ANXA4: variants seen among roughly 807,000 people sequenced by gnomAD.
ANXA4 encodes annexin A4.
Under a neutral mutation model 49.8 loss-of-function variants are expected in ANXA4, and 39 were observed. That is an observed-to-expected ratio of 0.78 (90% CI 0.61 to 1.02). The LOEUF is 1.02. Ranked by LOEUF, ANXA4 falls within the 50% of genes least tolerant of loss-of-function variation. The pLI is 0.00. For synonymous variants in ANXA4, 134 were observed against 152.5 expected, an observed-to-expected ratio of 0.88 and a Z score of 0.89; for missense variants, 360 against 410.1, an observed-to-expected ratio of 0.88 and a Z score of 1.05.
intron 1 of ANXA4, among the ~76,000 whole-genome samples, chr2:69,754,576 C>T (rs1180504757): frequency 6.6e-6 from 1 of 152,108 alleles, no homozygotes; most frequent in Non-Finnish European, 1.5e-5. Flanking sequence ...CTTCTTAAAA[C>T]CCAAACTGCT....
intron 2 of ANXA4, among the ~76,000 whole-genome samples, chr2:69,669,637 A>G (rs1218989413): frequency 6.6e-6 from 1 of 151,960 alleles, no homozygotes; most frequent in Non-Finnish European, 1.5e-5. Flanking sequence ...CATAGATTTT[A>G]CCATACAATA....
rs1670052093 is a variant in ANXA4 at position 69,729,939 on chromosome 2, AAGAT to A, written n.864+9071_864+9074del. ...CATAACAGACAGTCTTGGAAAGATA[AAGAT>A]AGTGACTCCCTGCAAAGAGATTTGG... On this transcript the variant is annotated intron_variant and non_coding_transcript_variant, in intron 3 of 3. Transcript: ENST00000418066. Among the ~76,000 whole-genome samples the A allele has an allele frequency of 2.6e-5, 4 of 152,330 alleles. 1 individual carries two copies. In the South Asian group the frequency reaches 8.3e-4, roughly 32 times the overall value.
intron 3 of ANXA4, among the ~76,000 whole-genome samples, chr2:69,725,554 T>C (rs887120020): frequency 1.3e-5 from 2 of 152,162 alleles, no homozygotes; most frequent in Non-Finnish European, 2.9e-5. Flanking sequence ...AATAAATGTA[T>C]ACACCAGTGT....
chr2:69,739,319 T>G (rs1199775437), upstream of ANXA4, among the ~76,000 whole-genome samples: 1 of 152,178 alleles, frequency 6.6e-6, no homozygotes, highest in African/African-American at 2.4e-5. Context: ...CCTGTCCACG[T>G]GCTTTCCAGG....
intron 1 of ANXA4, among the ~76,000 whole-genome samples, chr2:69,771,094 CAAAAAAA>C (rs1169928879): frequency 7.1e-5 from 3 of 42,412 alleles, no homozygotes; most frequent in Non-Finnish European, 1.6e-4. Flanking sequence ...ACCCTGTCTC[CAAAAAAA>C]AAAAAAAGAA....
intron 1 of ANXA4, among the ~76,000 whole-genome samples, chr2:69,742,810 G>C (rs1486109604): frequency 6.6e-6 from 1 of 152,212 alleles, no homozygotes; most frequent in African/African-American, 2.4e-5. Flanking sequence ...AGTGACCCCC[G>C]GGGCAATGCA....
chr2:69,651,930 A>G (rs1303221923), intron 1 of ANXA4, among the ~76,000 whole-genome samples: 1 of 148,974 alleles, frequency 6.7e-6, no homozygotes, highest in South Asian at 2.1e-4. Flanking sequence ...ATCCTGCCTC[A>G]GCCTCCAAAA....
chr2:69,688,069 T>C (rs1677850889), intron 2 of ANXA4, among the ~76,000 whole-genome samples: 1 of 152,208 alleles, frequency 6.6e-6, no homozygotes, highest in Non-Finnish European at 1.5e-5. Context: ...TTGAGCTTGC[T>C]CAAGTCAGGA....
At chr2:69,807,773 A>G in intron 5 of ANXA4, 133 bp from the exon 6 acceptor site, 2 of 725,642 alleles carry the variant, frequency 2.8e-6, no homozygotes, top group East Asian at 5.5e-5. Context: ...ATAAAAGTGA[A>G]CAAACCCTGT....
intron 2 of ANXA4, among the ~76,000 whole-genome samples, chr2:69,661,339 A>G (rs1038221527): frequency 2.6e-5 from 4 of 152,122 alleles, no homozygotes; most frequent in African/African-American, 7.2e-5. Context: ...AATGCAAGAA[A>G]CTATTATTAA....
chr2:69,733,598 T>G (rs1469429132), intron 3 of ANXA4, among the ~76,000 whole-genome samples: 2 of 145,166 alleles, frequency 1.4e-5, no homozygotes, highest in African/African-American at 2.6e-5. Flanking sequence ...GGTGACAGAG[T>G]GAAACCCTGT....
intron 1 of ANXA4, among the ~76,000 whole-genome samples, chr2:69,769,022 A>G (rs10205368): frequency 0.22 from 33,928 of 152,188 alleles, 3,841 homozygotes; most frequent in East Asian, 0.35. Flanking sequence ...TCACTCAGAA[A>G]ATAAAAATTA....
chr2:69,806,357 T>G (rs1288291925), intron 4 of ANXA4, 28 bp from the exon 5 acceptor site: 2 of 1,533,720 alleles, frequency 1.3e-6, no homozygotes, highest in Admixed American at 3.3e-5. Flanking sequence ...CTATAGCAGT[T>G]AAGCGGAGCT....
At chr2:69,690,871 T>C (rs1340624417) in intron 2 of ANXA4, among the ~76,000 whole-genome samples, 6 of 152,234 alleles carry the variant, frequency 3.9e-5, no homozygotes, top group Admixed American at 6.5e-5. Flanking sequence ...AGTGCCTTAG[T>C]ACTGTTTGTA....
At chr2:69,683,682 A>G (rs1371926090) in intron 2 of ANXA4, among the ~76,000 whole-genome samples, 3 of 152,066 alleles carry the variant, frequency 2.0e-5, no homozygotes, top group African/African-American at 7.2e-5. Context: ...TCACACATCT[A>G]CTAGAGAGTA....
rs746025599 is a variant in ANXA4, at chr2:69,788,120, A to G, written c.76A>G (p.Arg26Gly). 4.3e-6 allele frequency: 7 copies of G among 1,614,050 alleles called. No homozygotes were observed. The South Asian group carries it at 6.6e-5, about 15-fold the overall frequency. Residue 26 changes from arginine (R) to glycine (G), a missense_variant, in exon 3 of 13, where the codon AGG (arginine) becomes GGG (glycine). By Grantham distance (125) the Arg-to-Gly change is moderately radical. Transcript: ENST00000394295. The part of the protein sequence containing the change: ...FNAMEDAQTL[R>G]KAMKGLGTDE... ...TGCCATGGAAGATGCCCAGACCCTG[A>G]GGAAGGCCATGAAAGGGCTCGGTAT...
chr2:69,692,534 A>T (rs1678011245), intron 2 of ANXA4, among the ~76,000 whole-genome samples: 1 of 152,196 alleles, frequency 6.6e-6, no homozygotes, highest in African/African-American at 2.4e-5. Context: ...ATTATGTTGT[A>T]TTATAATTGT....
chr2:69,798,549 A>C (rs1238276947), intron 3 of ANXA4, among the ~76,000 whole-genome samples: 1 of 152,186 alleles, frequency 6.6e-6, no homozygotes, highest in African/African-American at 2.4e-5. Context: ...TTCCAGCCCC[A>C]TACAACAACC....
intron 2 of ANXA4, among the ~76,000 whole-genome samples, chr2:69,659,590 T>G (rs1348603890): frequency 2.0e-5 from 3 of 152,198 alleles, no homozygotes; most frequent in African/African-American, 7.2e-5. Flanking sequence ...TACAAGTATT[T>G]GGCTTTCAGA....
Sources: allele counts gnomAD v4.1 joint callset (sites outside exome capture counted in the v4.1 genomes callset), GRCh38; gene constraint gnomAD v4.1.1; transcripts MANE v1.5; gene names NCBI Gene and HGNC (gene_info 2026-07-23, HGNC 2026-07-21).